Variants in ABCA3 observed in about 807,000 individuals in gnomAD.
The protein encoded by ABCA3 is ATP binding cassette subfamily A member 3.
Under a neutral mutation model 172.8 loss-of-function variants are expected in ABCA3, and 88 were observed. That is an observed-to-expected ratio of 0.51 (90% CI 0.43 to 0.61). The LOEUF (loss-of-function observed/expected upper bound fraction) is 0.61. Among genes scored for constraint, ABCA3 ranks in the 20% least tolerant of loss-of-function variants. The probability of loss-of-function intolerance (pLI) is 0.00; values close to 1 mark genes in which losing one functional copy is unlikely to be tolerated. For missense variants in ABCA3, 2,164 were observed against 2,301.0 expected, an observed-to-expected ratio of 0.94 and a Z score of 1.22; for synonymous variants, 1,066 against 983.8, an observed-to-expected ratio of 1.08 and a Z score of -1.56.
At chr16:2,282,019 A>G (rs1035900910) in intron 26 of ABCA3, among the ~76,000 whole-genome samples, 10 of 152,174 alleles carry the variant, frequency 6.6e-5, no homozygotes, top group African/African-American at 2.2e-4. Flanking sequence ...AGAACTCCTG[A>G]CCTTTGGTGA....
intron 20 of ABCA3, 89 bp downstream of exon 20, chr16:2,289,345 C>G: frequency 6.7e-7 from 1 of 1,483,256 alleles, no homozygotes; most frequent in African/African-American, 1.4e-5. Flanking sequence ...TTTGCGCCCT[C>G]GCAGACTCTC....
In ABCA3 at chr16:2,307,422, G is replaced by A. The variant is rs867946587; in HGVS notation, c.1285+1028C>T. Among the ~76,000 whole-genome samples, 10 of 152,162 alleles carry A rather than the reference G, an allele frequency of 6.6e-5. No individual in the cohort carries two copies. In the South Asian group the frequency reaches 2.1e-3, roughly 32 times the overall value. On this transcript the variant is annotated intron_variant, in intron 11 of 32. Coordinates refer to ENST00000301732, the MANE Select transcript of ABCA3 (RefSeq NM_001089.3). ...ACAAAAAAATTAGATGGGCATGGTG[G>A]TGCATGCCTGTGATCCCAGGTACTC...
At chr16:2,323,406 A>G in intron 7 of ABCA3, 117 bp downstream of exon 7, 5 of 1,381,986 alleles carry the variant, frequency 3.6e-6, no homozygotes, top group Non-Finnish European at 5.1e-6. Flanking sequence ...GAACCAAGCC[A>G]AATGTCCTGA....
intron 18 of ABCA3, 22 bp downstream of exon 18, chr16:2,295,568 G>A (rs752593941): frequency 7.5e-6 from 12 of 1,609,756 alleles, no homozygotes; most frequent in Middle Eastern, 1.6e-4. Context: ...ATACCTGTGC[G>A]TGCCCTCCCT....
At position 2,328,584 on chromosome 16, in the gene ABCA3, G is replaced by C. The variant is rs747793317; in HGVS notation, c.-158C>G. On this transcript the variant is annotated 5_prime_UTR_variant, in exon 3 of 33. Coordinates refer to ENST00000301732, the MANE Select transcript of ABCA3 (RefSeq NM_001089.3). ...AGACGTGGCTGCTCTGTCCTGGAGA[G>C]GCAGGGAAGGCGATGGAGGAGGGGC... is the stretch of plus-strand genomic sequence containing the variant. The C allele has an allele frequency of 3.9e-6, 2 of 514,050 alleles. No homozygotes were observed. Among genetic ancestry groups the C allele is most frequent in the African/African-American group, 3.9e-5 (2 of 51,888 alleles). The allele number at this position is 514,050 out of a possible 1,614,324, so 31.8% of individuals were successfully genotyped here.
At chr16:2,309,306 C>T (rs566036518) in intron 10 of ABCA3, among the ~76,000 whole-genome samples, 7 of 152,152 alleles carry the variant, frequency 4.6e-5, no homozygotes, top group Non-Finnish European at 7.4e-5. Flanking sequence ...TTCATGCATT[C>T]GTCAGATACG....
chr16:2,309,057 T>C, intron 10 of ABCA3, among the ~76,000 whole-genome samples: 1 of 152,142 alleles, frequency 6.6e-6, no homozygotes, highest in Non-Finnish European at 1.5e-5. Context: ...GCCATTCTCC[T>C]ACCTCAGCCT....
In ABCA3 at chr16:2,297,662, G is replaced by A. The variant is rs2093682069; in HGVS notation, c.2052+104C>T. 6.3e-7 allele frequency: 1 copy of A among 1,587,784 alleles called. No individual in the cohort carries two copies. Among genetic ancestry groups the A allele is most frequent in the African/African-American group, 1.3e-5 (1 of 74,614 alleles). On this transcript the variant is annotated intron_variant, in intron 16 of 32. Transcript: ENST00000301732. This position sits in a 1 kb window ranked among gnomAD's most constrained non-coding sequence, Gnocchi z 5.6. ...CTTGAGTCCTCCAAGGATGGTGATG[G>A]CCTTGTCTGGGGTGTCAAGGGCCAA...
intron 26 of ABCA3, among the ~76,000 whole-genome samples, chr16:2,282,495 A>G (rs558087423): frequency 5.9e-5 from 9 of 152,244 alleles, no homozygotes; most frequent in Non-Finnish European, 8.8e-5. Flanking sequence ...GTGCAATGCA[A>G]TGTCAACACA....
In ABCA3 at chr16:2,281,329, C is replaced by T; in HGVS notation, c.4164+52G>A. The T allele has an allele frequency of 6.2e-7, 1 of 1,613,330 alleles. No homozygotes were observed. Among genetic ancestry groups the T allele is most frequent in the African/African-American group, 1.3e-5 (1 of 75,038 alleles). On this transcript the variant is annotated intron_variant, in intron 27 of 32. Coordinates refer to ENST00000301732, the MANE Select transcript of ABCA3 (RefSeq NM_001089.3). The surrounding 1 kb of genome is among the most constrained non-coding windows in gnomAD (Gnocchi z 4.7). ...CAGGGATGGGGTCGGACCCTGGGGA[C>T]AGCCAGGTAGTCAGCTGGCAGGAAG...
rs572199710 is a variant in ABCA3 at position 2,279,245 on chromosome 16, G to C, written c.4360-115C>G. On this transcript the variant is annotated intron_variant, in intron 28 of 32. Transcript: ENST00000301732. The surrounding 1 kb of genome is among the most constrained non-coding windows in gnomAD (Gnocchi z 4.4). Reference sequence around the variant, plus strand: ...ACCACTGCGCCTGTCTGTGGTTCCTGCCAGTGTGTGTACACGGGGGCGCTG... The same window carrying C: ...ACCACTGCGCCTGTCTGTGGTTCCTCCCAGTGTGTGTACACGGGGGCGCTG... The C allele has an allele frequency of 3.2e-6, 4 of 1,269,432 alleles. No individual in the cohort carries two copies. Among genetic ancestry groups the C allele is most frequent in the Non-Finnish European group, 4.4e-6 (4 of 906,126 alleles). 78.6% of individuals were successfully genotyped at this position (1,269,432 alleles called of 1,614,324 possible).
intron 8 of ABCA3, among the ~76,000 whole-genome samples, chr16:2,318,249 G>A (rs947756490): frequency 5.9e-5 from 9 of 152,108 alleles, no homozygotes; most frequent in Admixed American, 2.0e-4. Flanking sequence ...CTGAAAGGAG[G>A]GGCCCAGAAC....
intron 1 of ABCA3, chr16:2,332,662 A>G (rs2093745270): frequency 6.2e-7 from 1 of 1,602,314 alleles, no homozygotes; most frequent in African/African-American, 1.3e-5. Flanking sequence ...CACCTTGATG[A>G]GACCATTGCC....
Position 2,315,695 on chromosome 16 carries a change from C to T in ABCA3, c.1111+1588G>A, listed in dbSNP as rs566607375. On this transcript the variant is annotated intron_variant, in intron 10 of 32. Coordinates refer to ENST00000301732, the MANE Select transcript of ABCA3 (RefSeq NM_001089.3). ...TTTTTCTTTTTTTGAGACAGGGTCC[C>T]TCTCGTTCTCCAGGCTGGAATGCAG... is the stretch of plus-strand genomic sequence containing the variant. Among the ~76,000 whole-genome samples the T allele has an allele frequency of 7.9e-5, 12 of 151,982 alleles. No individual in the cohort carries two copies. The South Asian group carries it at 2.5e-3, about 32-fold the overall frequency.
chr16:2,314,610 CTT>C (rs901046397), intron 10 of ABCA3, among the ~76,000 whole-genome samples: 1 of 151,778 alleles, frequency 6.6e-6, no homozygotes, highest in Non-Finnish European at 1.5e-5. Context: ...AAGTTTCACT[CTT>C]GTTGCCCAGG....
intron 10 of ABCA3, among the ~76,000 whole-genome samples, chr16:2,312,825 C>T (rs965989687): frequency 1.3e-5 from 2 of 152,090 alleles, no homozygotes; most frequent in East Asian, 1.9e-4. Flanking sequence ...AGCCACCATG[C>T]CCGGCCGAAA....
chr16:2,284,485 C>T lies in ABCA3; in HGVS notation c.3704-48G>A. 3 of 1,609,216 alleles carry T rather than the reference C, an allele frequency of 1.9e-6. No homozygotes were observed. The highest frequency in any genetic ancestry group is 2.5e-6 in the Non-Finnish European group (3 of 1,176,802). On this transcript the variant is annotated intron_variant, in intron 24 of 32. Transcript: ENST00000301732. This position sits in a 1 kb window ranked among gnomAD's most constrained non-coding sequence, Gnocchi z 5.9. The stretch of plus-strand genomic sequence containing the variant: ...GTCTGCGCTGGAGGGCACACCACAC[C>T]CACCTCCAGGACGGGCCTGGTCAGG...
Position 2,311,214 on chromosome 16 carries a change from C to A in ABCA3, c.1112-2591G>T, listed in dbSNP as rs894824466. Among the ~76,000 whole-genome samples the A allele has an allele frequency of 2.0e-5, 3 of 151,564 alleles. No individual in the cohort carries two copies. In the South Asian group the frequency reaches 6.3e-4, roughly 32 times the overall value. Reference sequence around the variant, plus strand: ...GTCTCGATCTCTTGACCTCGTGATCCGCCTGCCTCGGCCTCCCAAAGTGCT... The same window carrying A: ...GTCTCGATCTCTTGACCTCGTGATCAGCCTGCCTCGGCCTCCCAAAGTGCT... On this transcript the variant is annotated intron_variant, in intron 10 of 32. Transcript: ENST00000301732.
intron 19 of ABCA3, 56 bp downstream of exon 19, chr16:2,292,084 A>C (rs2093672934): frequency 7.2e-7 from 1 of 1,398,476 alleles, no homozygotes; most frequent in Admixed American, 1.7e-5. Flanking sequence ...AAAAAAAAAA[A>C]GTCCTCTGCA....
Sources: gnomAD v4.1 joint callset for allele counts (sites outside exome capture counted in the v4.1 genomes callset) on GRCh38, gnomAD v4.1.1 for gene constraint, Gnocchi (gnomAD v3.1) non-coding constraint, MANE v1.5 for transcripts, NCBI Gene and HGNC (gene_info 2026-07-23, HGNC 2026-07-21) for gene names.